Variants in CFAP54 observed in about 807,000 individuals in gnomAD.
The protein encoded by CFAP54 is cilia- and flagella-associated protein 54.
CFAP54 carries 290 observed loss-of-function variants against 370.4 expected under a neutral mutation model. The observed-to-expected ratio is 0.78, with a 90% confidence interval of 0.71 to 0.86. The LOEUF is 0.86. Among genes scored for constraint, CFAP54 ranks in the 40% least tolerant of loss-of-function variants. The probability of loss-of-function intolerance (pLI) is 0.00; values close to 1 mark genes in which losing one functional copy is unlikely to be tolerated. For missense variants in CFAP54, 3,399 were observed against 3,528.7 expected, an observed-to-expected ratio of 0.96 and a Z score of 0.93; for synonymous variants, 1,206 against 1,236.5, an observed-to-expected ratio of 0.98 and a Z score of 0.52.
At chr12:96,755,945 C>G (rs1218257616) in intron 56 of CFAP54, among the ~76,000 whole-genome samples, 1 of 113,380 alleles carries the variant, frequency 8.8e-6, no homozygotes, top group Admixed American at 9.0e-5. Context: ...GGATTACAAG[C>G]GTGAGCCACC....
chr12:96,696,971 C>T (rs1957444668), intron 45 of CFAP54, among the ~76,000 whole-genome samples: 1 of 152,160 alleles, frequency 6.6e-6, no homozygotes, highest in Non-Finnish European at 1.5e-5. Context: ...TTCTATAGTG[C>T]CCTAGTGTCT....
chr12:96,615,827 C>G (rs1363777204), intron 26 of CFAP54, among the ~76,000 whole-genome samples: 3 of 152,170 alleles, frequency 2.0e-5, no homozygotes, highest in Admixed American at 6.5e-5. Flanking sequence ...CATCTCACAC[C>G]AGTTAGAATG....
intron 3 of CFAP54, 82 bp from the exon 4 acceptor site, chr12:96,506,846 C>T (rs1048622535): frequency 3.1e-6 from 4 of 1,280,848 alleles, no homozygotes; most frequent in Non-Finnish European, 4.2e-6. Flanking sequence ...CTTGGCCTCC[C>T]TAAGTGCTGG....
At chr12:96,625,952 C>G in intron 29 of CFAP54, 145 bp downstream of exon 29, 1 of 601,000 alleles carries the variant, frequency 1.7e-6, no homozygotes. Context: ...CAGAATAATG[C>G]AGAATCCTGA....
At chr12:96,639,838 A>G (rs1377767056) in intron 32 of CFAP54, among the ~76,000 whole-genome samples, 1 of 152,240 alleles carries the variant, frequency 6.6e-6, no homozygotes, top group Non-Finnish European at 1.5e-5. Flanking sequence ...CCACATGATT[A>G]TCTCAATAGA....
chr12:96,869,746 A>C (rs1180643241), intron 67 of CFAP54, among the ~76,000 whole-genome samples: 3 of 151,264 alleles, frequency 2.0e-5, no homozygotes, highest in Non-Finnish European at 4.4e-5. Context: ...AACCAGCCTG[A>C]CCAACATGGC....
intron 8 of CFAP54, among the ~76,000 whole-genome samples, chr12:96,526,873 G>T (rs916268075): frequency 4.1e-4 from 57 of 140,732 alleles, no homozygotes; most frequent in African/African-American, 1.4e-3. Flanking sequence ...ACTTTTCTTT[G>T]CCTTATAACA....
chr12:96,765,289 T>A, intron 60 of CFAP54, 71 bp downstream of exon 60: 1 of 1,297,810 alleles, frequency 7.7e-7, no homozygotes, highest in Non-Finnish European at 1.0e-6. Flanking sequence ...TTCAAAGATT[T>A]AATTGTAATT....
intron 32 of CFAP54, among the ~76,000 whole-genome samples, chr12:96,636,343 T>C (rs754681772): frequency 1.0e-3 from 154 of 152,338 alleles, no homozygotes; most frequent in Middle Eastern, 6.8e-3. Flanking sequence ...TGATGAATTA[T>C]ATTTTTCTAA....
intron 48 of CFAP54, among the ~76,000 whole-genome samples, chr12:96,713,191 A>G (rs1026270741): frequency 5.3e-5 from 8 of 152,184 alleles, no homozygotes; most frequent in Admixed American, 5.2e-4. Flanking sequence ...CTGTATATCC[A>G]AAAGAAAAGA....
At chr12:96,508,698 A>G (rs956772528) in intron 4 of CFAP54, among the ~76,000 whole-genome samples, 1 of 132,732 alleles carries the variant, frequency 7.5e-6, no homozygotes, top group African/African-American at 2.9e-5. Context: ...TGTGCTCTAG[A>G]TTTTATTCTG....
chr12:96,854,008 T>A (rs1357342512), intron 66 of CFAP54, among the ~76,000 whole-genome samples: 1 of 151,998 alleles, frequency 6.6e-6, no homozygotes, highest in Admixed American at 6.6e-5. Flanking sequence ...CACTTTATTT[T>A]TTTTAAAAAG....
chr12:96,743,435 A>G lies in CFAP54; in HGVS notation c.7253A>G (p.Asn2418Ser), dbSNP rs548857046. 122 of 1,614,038 alleles carry G rather than the reference A, an allele frequency of 7.6e-5. 1 individual carries two copies. The South Asian group carries it at 9.3e-4, about 12-fold the overall frequency. ...DDMTDCLSLI[N>S]EVCMEAKSAG... Reference sequence around the variant, plus strand: ...ATGACAGATTGCCTGAGCCTCATCAATGAAGTGTGTATGGAGGCAAAAAGC... The same window carrying G: ...ATGACAGATTGCCTGAGCCTCATCAGTGAAGTGTGTATGGAGGCAAAAAGC... Residue 2418 changes from asparagine (N) to serine (S), a missense_variant, in exon 53 of 68, where the codon AAT becomes AGT. By Grantham distance (46) the Asn-to-Ser change is conservative (BLOSUM62 1). Coordinates refer to ENST00000524981, the MANE Select transcript of CFAP54 (RefSeq NM_001306084.2).
chr12:96,851,382 G>T (rs1174304786), intron 66 of CFAP54, among the ~76,000 whole-genome samples: 1 of 152,010 alleles, frequency 6.6e-6, no homozygotes, highest in Non-Finnish European at 1.5e-5. Flanking sequence ...CCTAATTTAA[G>T]TAGCAGTTTT....
At chr12:96,537,491 G>A (rs906320851) in intron 12 of CFAP54, among the ~76,000 whole-genome samples, 2 of 151,984 alleles carry the variant, frequency 1.3e-5, no homozygotes, top group East Asian at 3.9e-4. Context: ...ACAGGCACAC[G>A]ACACCATGCC....
At chr12:96,696,477 C>A (rs1957441090) in intron 45 of CFAP54, among the ~76,000 whole-genome samples, 1 of 152,008 alleles carries the variant, frequency 6.6e-6, no homozygotes, top group East Asian at 1.9e-4. Context: ...AACAAAATGG[C>A]TAGATGACTT....
rs71068819 is a variant in CFAP54, at chr12:96,621,875, G to GTTTTTTTTTTTTTTTTT, written c.3771+170_3771+186dup. On this transcript the variant is annotated intron_variant, in intron 27 of 67. Coordinates refer to ENST00000524981, the MANE Select transcript of CFAP54 (RefSeq NM_001306084.2). ...ATTATAGTAAAGAGCTTTTGGGTTTGTTTTTTTTTTTTTTTTTTTTTTTTT... is the reference window on the plus strand; with the variant it reads ...ATTATAGTAAAGAGCTTTTGGGTTTGTTTTTTTTTTTTTTTTTTTTTTTTTTTTTTTTTTTTTTTTTT... Among the ~76,000 whole-genome samples, 65 of 50,022 alleles carry GTTTTTTTTTTTTTTTTT rather than the reference G, an allele frequency of 1.3e-3. 3 individuals carry two copies. Among genetic ancestry groups the GTTTTTTTTTTTTTTTTT allele is most frequent in the East Asian group, 9.3e-3 (11 of 1,184 alleles). 32.8% of individuals were successfully genotyped at this position (50,022 alleles called of 152,430 possible).
Position 96,720,688 on chromosome 12 carries a change from T to G in CFAP54, c.6965+123T>G, listed in dbSNP as rs990151632. The G allele has an allele frequency of 1.6e-5, 13 of 829,072 alleles. No individual in the cohort carries two copies. In the Admixed American group the frequency reaches 2.1e-4, roughly 14 times the overall value. The allele number at this position is 829,072 out of a possible 1,614,324, so 51.4% of individuals were successfully genotyped here. ...TCCTATATCCATAGTATGCTTGCTT[T>G]TTATTATTCAGGGAAGTTTTCATAC... On this transcript the variant is annotated intron_variant, in intron 50 of 67. Coordinates refer to ENST00000524981, the MANE Select transcript of CFAP54 (RefSeq NM_001306084.2).
chr12:96,652,382 A>G (rs1956870507), intron 36 of CFAP54, among the ~76,000 whole-genome samples: 1 of 152,250 alleles, frequency 6.6e-6, no homozygotes, highest in African/African-American at 2.4e-5. Flanking sequence ...TGGCAATGGC[A>G]GAAAAGACAA....
Sources: gnomAD v4.1 joint callset for allele counts (sites outside exome capture counted in the v4.1 genomes callset) on GRCh38, gnomAD v4.1.1 for gene constraint, MANE v1.5 for transcripts, NCBI Gene and HGNC (gene_info 2026-07-23, HGNC 2026-07-21) for gene names.